The following ZNF224 variants were observed in gnomAD, a reference collection of about 807,000 sequenced individuals.
The protein encoded by ZNF224 is zinc finger protein 224.
ZNF224 carries 8 observed loss-of-function variants against 10.5 expected under a neutral mutation model. That is an observed-to-expected ratio of 0.76 (90% CI 0.45 to 1.37). The LOEUF is 1.37. ZNF224 is among the 40% of genes most tolerant of loss of function. The pLI is 0.00. For missense variants in ZNF224, 754 were observed against 854.0 expected (o/e 0.88, Z 1.46); for synonymous variants, 282 against 287.8 (o/e 0.98, Z 0.20).
Position 44,107,927 on chromosome 19 carries a change from G to A in ZNF224, c.1767G>A (p.Val589=). Residue 589 remains valine, a synonymous_variant, in exon 6 of 6, where the codon GTG becomes GTA. Coordinates refer to ENST00000693561, the MANE Select transcript of ZNF224 (RefSeq NM_001321645.3). ...QNSQLHSHQR[V]HTGEKPYKCD... is the part of the protein sequence containing the mutation. ...CACAGCTTCATTCTCATCAAAGAGT[G>A]CACACTGGAGAAAAGCCATACAAAT... The A allele has an allele frequency of 1.9e-6, 3 of 1,612,914 alleles. No homozygotes were observed. Among genetic ancestry groups the A allele is most frequent in the Non-Finnish European group, 2.5e-6 (3 of 1,179,676 alleles).
At chr19:44,101,063 T>G in intron 4 of ZNF224, 70 bp from the exon 5 acceptor site, 1 of 1,610,916 alleles carries the variant, frequency 6.2e-7, no homozygotes, top group Admixed American at 1.7e-5. Context: ...AACCTAAATT[T>G]CTGGTAAACT....
chr19:44,107,794 G>A lies in ZNF224; in HGVS notation c.1634G>A (p.Cys545Tyr). ...TGERPYNCKE[C>Y]GKSFGWASCL... ...GAGAGACCATACAATTGTAAGGAAT[G>A]TGGGAAGAGTTTTGGCTGGGCCTCG... The change falls in exon 6 of 6, where the codon TGT (cysteine) becomes TAT (tyrosine). Residue 545 changes from cysteine (C) to tyrosine (Y), a missense_variant. Transcript: ENST00000693561. 1 of 1,601,736 alleles carries A rather than the reference G, an allele frequency of 6.2e-7. No individual in the cohort carries two copies. The highest frequency in any genetic ancestry group is 8.5e-7 in the Non-Finnish European group (1 of 1,172,540).
At chr19:44,103,011 C>T (rs1053829422) in intron 5 of ZNF224, among the ~76,000 whole-genome samples, 3 of 152,166 alleles carry the variant, frequency 2.0e-5, no homozygotes, top group African/African-American at 7.2e-5. Context: ...TAAACATTGC[C>T]TATATTTCTG....
intron 5 of ZNF224, among the ~76,000 whole-genome samples, chr19:44,104,285 A>T (rs115142795): frequency 1.5e-3 from 231 of 152,174 alleles, no homozygotes; most frequent in African/African-American, 5.3e-3. Flanking sequence ...GAATATGTAG[A>T]TATAAACACT....
At position 44,107,354 on chromosome 19, in the gene ZNF224, A is replaced by G; in HGVS notation, c.1194A>G (p.Lys398=). 6.3e-7 allele frequency: 1 copy of G among 1,594,160 alleles called. No homozygotes were observed. The highest frequency in any genetic ancestry group is 8.5e-7 in the Non-Finnish European group (1 of 1,171,682). Residue 398 remains lysine (K), a synonymous_variant, in exon 6 of 6, where the codon AAA becomes AAG. Coordinates refer to ENST00000693561, the MANE Select transcript of ZNF224 (RefSeq NM_001321645.3). ...LKHQRVHSGE[K]PFKCEECGKG... ...ATCAGCGAGTCCACAGTGGAGAAAA[A>G]CCATTCAAATGTGAAGAATGTGGGA...
At chr19:44,106,360 C>T (rs1233760570) in intron 5 of ZNF224, 36 bp from the exon 6 acceptor site, 4 of 1,608,600 alleles carry the variant, frequency 2.5e-6, no homozygotes, top group South Asian at 1.1e-5. Context: ...ACAAAGGCTT[C>T]ACTTGTCCTC....
chr19:44,094,781 A>T (rs1430050919), intron 1 of ZNF224: 1 of 152,296 alleles, frequency 6.6e-6, no homozygotes, highest in African/African-American at 2.4e-5. Context: ...TGGGGACTTT[A>T]GGGCCATCCT....
rs1304412291 is a variant in ZNF224 at position 44,107,029 on chromosome 19, G to A, written c.869G>A (p.Cys290Tyr). ...RIHTGEKPFK[C>Y]DICGKSFCGR... ...CATACGGGGGAGAAGCCATTCAAAT[G>A]TGATATATGTGGTAAGAGCTTCTGT... Residue 290 changes from cysteine (C) to tyrosine (Y), a missense_variant, in exon 6 of 6, where the codon TGT becomes TAT. Coordinates refer to ENST00000693561, the MANE Select transcript of ZNF224 (RefSeq NM_001321645.3). The A allele has an allele frequency of 6.2e-7, 1 of 1,605,056 alleles. No individual in the cohort carries two copies. The highest frequency in any genetic ancestry group is 1.7e-5 in the Admixed American group (1 of 59,484).
Position 44,109,691 on chromosome 19 carries a change from G to A in ZNF224, c.*1407G>A, listed in dbSNP as rs994499594. On this transcript the variant is annotated 3_prime_UTR_variant, in exon 6 of 6. Transcript: ENST00000693561. ...AACAAGTGTTCAAGAACAGGAATTT[G>A]TGTGAATTGCATTTATTCCTATAAT... 6.6e-6 allele frequency: 1 copy of A among 152,202 alleles called. No individual in the cohort carries two copies. The highest frequency in any genetic ancestry group is 2.4e-5 in the African/African-American group (1 of 41,452). The allele number at this position is 152,202 out of a possible 1,614,324, so 9.4% of individuals were successfully genotyped here. A position where few individuals can be genotyped will look rare whatever the true frequency, so the allele number is the denominator to read the frequency against.
rs3746322 is a variant in ZNF224, at chr19:44,107,804, T to C, written c.1644T>C (p.Ser548=). Residue 548 remains serine (S), a synonymous_variant, in exon 6 of 6, where the codon AGT becomes AGC. Coordinates refer to ENST00000693561, the MANE Select transcript of ZNF224 (RefSeq NM_001321645.3). ...ACAATTGTAAGGAATGTGGGAAGAGTTTTGGCTGGGCCTCGTGTCTTTTGA... is the reference window on the plus strand; with the variant it reads ...ACAATTGTAAGGAATGTGGGAAGAGCTTTGGCTGGGCCTCGTGTCTTTTGA... The part of the protein sequence containing the change: ...RPYNCKECGK[S]FGWASCLLKH... 149,448 of 1,610,752 alleles carry C rather than the reference T, an allele frequency of 0.093. 10,203 individuals are homozygous for C. Among genetic ancestry groups the C allele is most frequent in the African/African-American group, 0.3 (22,560 of 73,988 alleles).
chr19:44,100,739 G>T, intron 3 of ZNF224, 62 bp from the exon 4 acceptor site: 3 of 1,578,302 alleles, frequency 1.9e-6, no homozygotes, highest in Non-Finnish European at 1.7e-6. Context: ...TCTGCTCAGT[G>T]CCACCCCTCT....
In ZNF224 at chr19:44,097,560, T is replaced by A. The variant is rs10410718; in HGVS notation, c.-68-246T>A. On this transcript the variant is annotated intron_variant, in intron 2 of 5. Coordinates refer to ENST00000693561, the MANE Select transcript of ZNF224 (RefSeq NM_001321645.3). Reference sequence around the variant, plus strand: ...CAATAATGTTTCAAAGGTTCATGTATGTTGTAGCATGAGTCAGTACTTCAT... The same window carrying A: ...CAATAATGTTTCAAAGGTTCATGTAAGTTGTAGCATGAGTCAGTACTTCAT... The A allele has an allele frequency of 9.9e-3, 3,172 of 319,640 alleles. 99 individuals are homozygous for A. Among genetic ancestry groups the A allele is most frequent in the African/African-American group, 0.058 (2,689 of 46,472 alleles). 19.8% of individuals were successfully genotyped at this position (319,640 alleles called of 1,614,324 possible).
Position 44,107,583 on chromosome 19 carries a change from GAGAGA to G in ZNF224, c.1424_1428del (p.Glu475AlafsTer11). 6.2e-7 allele frequency: 1 copy of G among 1,612,134 alleles called. No individual in the cohort carries two copies. The highest frequency in any genetic ancestry group is 1.1e-5 in the South Asian group (1 of 90,942). The stretch of plus-strand genomic sequence containing the variant: ...TCGGGCCCCATGTCTTTTGAAACAT[GAGAGA>G]CTCCACAGTGGAGAAAAACCATTCC... On this transcript the variant is annotated frameshift_variant, in exon 6 of 6. Coordinates refer to ENST00000693561, the MANE Select transcript of ZNF224 (RefSeq NM_001321645.3). LOFTEE classifies it low-confidence loss of function (END_TRUNC).
chr19:44,097,305 C>T (rs1967457254), intron 2 of ZNF224, among the ~76,000 whole-genome samples: 2 of 152,132 alleles, frequency 1.3e-5, no homozygotes, highest in Non-Finnish European at 2.9e-5. Flanking sequence ...ATCAGGTGTA[C>T]ATCCAGTGAT....
intron 5 of ZNF224, among the ~76,000 whole-genome samples, chr19:44,103,281 T>TGTACCATTG (rs1967584639): frequency 6.6e-6 from 1 of 152,232 alleles, no homozygotes; most frequent in Non-Finnish European, 1.5e-5. Context: ...TATTCCAGCG[T>TGTACCATTG]GTACCATTGG....
intron 3 of ZNF224, among the ~76,000 whole-genome samples, chr19:44,099,604 G>A (rs1326296297): frequency 2.0e-5 from 3 of 152,022 alleles, no homozygotes; most frequent in Non-Finnish European, 4.4e-5. Flanking sequence ...TATAATCCTG[G>A]CACTTTAGGA....
intron 1 of ZNF224, chr19:44,096,069 T>C (rs1335772997): frequency 6.6e-6 from 1 of 152,308 alleles, no homozygotes; most frequent in Non-Finnish European, 1.5e-5. Context: ...ATAATTTTTT[T>C]CTTAATATTT....
Position 44,108,909 on chromosome 19 carries a change from T to A in ZNF224, c.*625T>A, listed in dbSNP as rs1967766920. ...CTGCAATCCATAGCAATATTTTGCA[T>A]ATTATTATTTTTTCTTTTAAATTTT... On this transcript the variant is annotated 3_prime_UTR_variant, in exon 6 of 6. Coordinates refer to ENST00000693561, the MANE Select transcript of ZNF224 (RefSeq NM_001321645.3). 4.8e-6 allele frequency: 1 copy of A among 206,788 alleles called. No homozygotes were observed. The highest frequency in any genetic ancestry group is 2.3e-5 in the African/African-American group (1 of 42,772). 12.8% of individuals were successfully genotyped at this position (206,788 alleles called of 1,614,324 possible).
rs551748891 is a variant in ZNF224, at chr19:44,106,704, G to A, written c.544G>A (p.Gly182Arg). 18 of 1,605,072 alleles carry A rather than the reference G, an allele frequency of 1.1e-5. No homozygotes were observed. The South Asian group carries it at 1.5e-4, about 13-fold the overall frequency. ...GEKSHTCDEC[G>R]KNFCYISALR... ...GAAATCTCATACGTGTGATGAGTGT[G>A]GAAAGAACTTTTGTTACATCTCAGC... Residue 182 changes from glycine (G) to arginine (R), a missense_variant, in exon 6 of 6, where the codon GGA becomes AGA. Physicochemically the swap from Gly to Arg is moderately radical, Grantham distance 125. Transcript: ENST00000693561.
Sources: gnomAD v4.1 joint callset for allele counts (sites outside exome capture counted in the v4.1 genomes callset) on GRCh38, gnomAD v4.1.1 for gene constraint, MANE v1.5 for transcripts, NCBI Gene and HGNC (gene_info 2026-07-23, HGNC 2026-07-21) for gene names.